Variants in NRXN3 observed in about 807,000 individuals in gnomAD.
NRXN3 encodes neurexin 3, also known as neurexin III.
A neutral mutation model predicts 137.6 loss-of-function variants in NRXN3; 32 were observed. The ratio of observed to expected loss-of-function variants is 0.23; its 90% CI spans 0.18 to 0.31. The LOEUF (loss-of-function observed/expected upper bound fraction) is 0.31. NRXN3 is among the 10% of genes least tolerant of loss of function. The pLI, the probability that NRXN3 is intolerant of heterozygous loss-of-function variation, is 1.00. For missense variants in NRXN3, 1,574 were observed against 2,062.5 expected (o/e 0.76, Z 4.59); for synonymous variants, 798 against 784.5 (o/e 1.02, Z -0.29).
At chr14:79,275,304 A>T (rs1394525735) in intron 15 of NRXN3, among the ~76,000 whole-genome samples, 1 of 151,120 alleles carries the variant, frequency 6.6e-6, no homozygotes, top group African/African-American at 2.4e-5. Flanking sequence ...AAGGATCTCT[A>T]CTCTTCATAT....
intron 15 of NRXN3, among the ~76,000 whole-genome samples, chr14:79,226,822 T>C (rs1313551024): frequency 3.2e-5 from 4 of 126,644 alleles, no homozygotes; most frequent in East Asian, 2.0e-4. Context: ...TTCTTTTTTT[T>C]TTTTTTTTTT....
chr14:79,126,778 T>C (rs1392117927), intron 15 of NRXN3, among the ~76,000 whole-genome samples: 1 of 152,192 alleles, frequency 6.6e-6, no homozygotes, highest in African/African-American at 2.4e-5. Context: ...TGAACTAGTT[T>C]ACAGTCCCAC....
chr14:79,790,200 C>A (rs1242641464), intron 19 of NRXN3, among the ~76,000 whole-genome samples: 1 of 152,118 alleles, frequency 6.6e-6, no homozygotes. Context: ...GCAGTGCCAG[C>A]ATCTGCTTGG....
At chr14:78,988,226 G>T in intron 15 of NRXN3, 85 bp downstream of exon 15, 1 of 1,515,506 alleles carries the variant, frequency 6.6e-7, no homozygotes. Context: ...GTAAAAGGAT[G>T]GCTCTTCTGA....
intron 4 of NRXN3, among the ~76,000 whole-genome samples, chr14:78,635,958 T>C (rs752643769): frequency 6.6e-6 from 1 of 152,204 alleles, no homozygotes; most frequent in Non-Finnish European, 1.5e-5. Flanking sequence ...GTCATTGAAC[T>C]CATGTGGCTC....
chr14:78,624,782 C>T (rs890890169), intron 4 of NRXN3, among the ~76,000 whole-genome samples: 2 of 151,990 alleles, frequency 1.3e-5, no homozygotes, highest in Non-Finnish European at 2.9e-5. Flanking sequence ...AGTCCCACGT[C>T]TACTGACCCC....
chr14:79,015,872 ACCTCAAG>A (rs2152419245), intron 15 of NRXN3, among the ~76,000 whole-genome samples: 1 of 152,156 alleles, frequency 6.6e-6, no homozygotes, highest in South Asian at 2.1e-4. Flanking sequence ...ATTCTATCCA[ACCTCAAG>A]ATTTGTTGCT....
intron 16 of NRXN3, among the ~76,000 whole-genome samples, chr14:79,628,879 G>C (rs1466560556): frequency 6.6e-6 from 1 of 152,144 alleles, no homozygotes; most frequent in Non-Finnish European, 1.5e-5. Flanking sequence ...ACAGTAGAAT[G>C]AGTCCCCCAA....
At chr14:79,485,568 C>T (rs2096648212) in intron 16 of NRXN3, among the ~76,000 whole-genome samples, 1 of 152,032 alleles carries the variant, frequency 6.6e-6, no homozygotes, top group African/African-American at 2.4e-5. Context: ...TTTTATCTTC[C>T]AGCCTTTGTA....
chr14:78,938,847 TC>T (rs552574345), intron 10 of NRXN3, among the ~76,000 whole-genome samples: 1 of 148,830 alleles, frequency 6.7e-6, no homozygotes, highest in Non-Finnish European at 1.5e-5. Context: ...GAGTGATTTT[TC>T]TTTTTTTTTT....
intron 4 of NRXN3, among the ~76,000 whole-genome samples, chr14:78,591,306 C>A (rs1011830810): frequency 3.9e-5 from 6 of 152,174 alleles, no homozygotes; most frequent in Non-Finnish European, 2.9e-5. Flanking sequence ...ACCTGGGGAT[C>A]TTGTTGAGCT....
At chr14:79,355,254 C>T (rs545600971) in intron 15 of NRXN3, among the ~76,000 whole-genome samples, 1 of 149,494 alleles carries the variant, frequency 6.7e-6, no homozygotes, top group Non-Finnish European at 1.5e-5. Flanking sequence ...TTTCTGTCCC[C>T]CACCCCCTTC....
At chr14:78,631,305 T>C (rs562225946) in intron 4 of NRXN3, among the ~76,000 whole-genome samples, 1 of 152,344 alleles carries the variant, frequency 6.6e-6, no homozygotes, top group South Asian at 2.1e-4. Context: ...TCTAACCAAG[T>C]ATTCTTGCTT....
intron 16 of NRXN3, among the ~76,000 whole-genome samples, chr14:79,574,299 A>C (rs1407587423): frequency 1.3e-5 from 2 of 152,134 alleles, no homozygotes; most frequent in East Asian, 3.9e-4. Context: ...GTATAGCATA[A>C]AGGTTAAGAG....
intron 4 of NRXN3, among the ~76,000 whole-genome samples, chr14:78,375,219 T>G (rs1368060011): frequency 6.6e-6 from 1 of 152,232 alleles, no homozygotes; most frequent in Non-Finnish European, 1.5e-5. Context: ...TTAAAGTGTT[T>G]CTATTTATTA....
At chr14:78,665,315 A>G (rs1406819110) in intron 6 of NRXN3, among the ~76,000 whole-genome samples, 7 of 152,174 alleles carry the variant, frequency 4.6e-5, no homozygotes, top group Non-Finnish European at 1.0e-4. Context: ...GAAACTTACC[A>G]TCGTGGTGGA....
At chr14:78,731,592 A>G (rs566521914) in intron 8 of NRXN3, among the ~76,000 whole-genome samples, 13 of 143,034 alleles carry the variant, frequency 9.1e-5, no homozygotes, top group Non-Finnish European at 1.8e-4. Flanking sequence ...TTATTTTGGG[A>G]ATGTGTATAT....
At chr14:78,506,033 A>C (rs966970120) in intron 4 of NRXN3, among the ~76,000 whole-genome samples, 1 of 152,162 alleles carries the variant, frequency 6.6e-6, no homozygotes, top group African/African-American at 2.4e-5. Flanking sequence ...TGAAGTGCTC[A>C]ATACCATATT....
chr14:78,939,329 A>C (rs928514692), intron 10 of NRXN3, among the ~76,000 whole-genome samples: 9 of 152,244 alleles, frequency 5.9e-5, no homozygotes, highest in Admixed American at 4.6e-4. Flanking sequence ...GTACACTTTA[A>C]GCATAAATCA....
Sources: gnomAD v4.1 joint callset for allele counts (sites outside exome capture counted in the v4.1 genomes callset) on GRCh38, gnomAD v4.1.1 for gene constraint, MANE v1.5 for transcripts, NCBI Gene and HGNC (gene_info 2026-07-23, HGNC 2026-07-21) for gene names.